The following GSN variants were observed in gnomAD, a reference collection of about 807,000 sequenced individuals.
The protein encoded by GSN is actin-depolymerizing factor.
A neutral mutation model predicts 85.7 loss-of-function variants in GSN; 56 were observed. The ratio of observed to expected loss-of-function variants is 0.65; its 90% CI spans 0.53 to 0.82. The LOEUF (loss-of-function observed/expected upper bound fraction) is 0.82. Among genes scored for constraint, GSN ranks in the 40% least tolerant of loss-of-function variants. The probability of loss-of-function intolerance (pLI) is 0.00; values close to 1 mark genes in which losing one functional copy is unlikely to be tolerated. For synonymous variants in GSN, 373 were observed against 399.1 expected (o/e 0.93, Z 0.78); for missense variants, 857 against 979.8 (o/e 0.87, Z 1.67).
In GSN at chr9:121,312,412, TC is replaced by T. The variant is rs1274665545; in HGVS notation, c.589del (p.Arg197GlyfsTer79). 1 of 1,613,980 alleles carries T rather than the reference TC, an allele frequency of 6.2e-7. No homozygotes were observed. The highest frequency in any genetic ancestry group is 8.5e-7 in the Non-Finnish European group (1 of 1,179,860). On this transcript the variant is annotated frameshift_variant, in exon 6 of 18. Transcript: ENST00000432226. LOFTEE classifies it high-confidence loss of function. ...AAGGCCACACAGGTGTCCAAGGGCA[TC>T]CGGGACAACGAGCGGAGTGGCCGGG... Reference protein sequence around the residue: ...RLKATQVSKGIRDNERSGRAR... With the variant: ...RLKATQVSKGXRDNERSGRAR...
At chr9:121,263,085 G>A (rs1197662321), upstream of GSN, among the ~76,000 whole-genome samples, 2 of 152,208 alleles carry the variant, frequency 1.3e-5, no homozygotes, top group African/African-American at 2.4e-5. Flanking sequence ...TGAGTCGAAT[G>A]GGGGAAGCCC....
At chr9:121,256,804 G>A (rs1029390287) in intron 6 of GSN, among the ~76,000 whole-genome samples, 2 of 152,074 alleles carry the variant, frequency 1.3e-5, no homozygotes, top group African/African-American at 2.4e-5. Context: ...CAGGAGAATC[G>A]CTTGAACCCA....
chr9:121,312,268 C>G, intron 5 of GSN, 71 bp from the exon 6 acceptor site: 1 of 1,560,440 alleles, frequency 6.4e-7, no homozygotes, highest in South Asian at 1.1e-5. Flanking sequence ...ACGCCACACT[C>G]CCCAAGCCCT....
chr9:121,297,722 C>T (rs1422195683), intron 2 of GSN: 1 of 152,212 alleles, frequency 6.6e-6, no homozygotes, highest in Non-Finnish European at 1.5e-5. Flanking sequence ...TTCACAGCTG[C>T]ATAGTGTCTA....
intron 11 of GSN, among the ~76,000 whole-genome samples, chr9:121,322,952 C>G (rs1462181087): frequency 6.6e-6 from 1 of 151,882 alleles, no homozygotes; most frequent in African/African-American, 2.4e-5. Context: ...GTGCCTCAGC[C>G]TCCTGAGTAG....
chr9:121,251,371 A>C (rs564794356), intron 6 of GSN, among the ~76,000 whole-genome samples: 136 of 150,026 alleles, frequency 9.1e-4, no homozygotes, highest in African/African-American at 3.1e-3. Context: ...AATTTTTTTT[A>C]TTTTTAGTTG....
chr9:121,201,928 A>T, the GSN span: 2 of 153,152 alleles, frequency 1.3e-5, no homozygotes, highest in African/African-American at 4.8e-5. Context: ...ACCACAAAAG[A>T]AGGGGGAGAA....
chr9:121,209,735 C>T (rs2053940514), intron 2 of GSN, among the ~76,000 whole-genome samples: 1 of 152,208 alleles, frequency 6.6e-6, no homozygotes, highest in African/African-American at 2.4e-5. Flanking sequence ...ACTCAGGAAA[C>T]AGAAGCTGCT....
At chr9:121,255,385 G>A (rs925970715) in intron 6 of GSN, among the ~76,000 whole-genome samples, 12 of 152,250 alleles carry the variant, frequency 7.9e-5, no homozygotes, top group South Asian at 2.1e-4. Flanking sequence ...GTAGGCGTGC[G>A]CCACGATGCC....
chr9:121,215,576 C>T (rs2054048424), intron 4 of GSN, among the ~76,000 whole-genome samples: 1 of 151,962 alleles, frequency 6.6e-6, no homozygotes, highest in African/African-American at 2.4e-5. Context: ...TGCCTATAAT[C>T]CCAGCTACTT....
rs2063348948 is a variant in GSN, at chr9:121,327,404, G to A, written c.1684G>A (p.Ala562Thr). 6.2e-7 allele frequency: 1 copy of A among 1,612,908 alleles called. No homozygotes were observed. Among genetic ancestry groups the A allele is most frequent in the Non-Finnish European group, 8.5e-7 (1 of 1,179,514 alleles). Residue 562 changes from alanine (A) to threonine (T), a missense_variant, in exon 14 of 18, where the codon GCA (alanine) becomes ACA (threonine). By Grantham distance (58) the Ala-to-Thr change is moderately conservative (BLOSUM62 0). Coordinates refer to ENST00000432226, the MANE Select transcript of GSN (RefSeq NM_198252.3). ...YLWVGTGASEAEKTGAQELLR... is the reference protein window; with the variant it reads ...YLWVGTGASETEKTGAQELLR... ...GTGGGTGGGTACAGGAGCCAGCGAG[G>A]CAGAGAAGACGGGGGCCCAGGAGCT...
chr9:121,293,256 CTGTGTGTCTTTT>C (rs2058864928), intron 2 of GSN, among the ~76,000 whole-genome samples: 2 of 152,152 alleles, frequency 1.3e-5, no homozygotes, highest in Admixed American at 1.3e-4. Flanking sequence ...TTGCTTTTTG[CTGTGTGTCTTTT>C]AGCATCCTTG....
Position 121,301,999 on chromosome 9 carries a change from A to C in GSN, c.28A>C (p.Lys10Gln). The part of the protein sequence containing the change: MVVEHPEFL[K>Q]AGKEPGLQIW... ...GGTGGTGGAACACCCCGAGTTCCTC[A>C]AGGCAGGGAAGGAGCCTGGCCTGCA... The change falls in exon 3 of 18, where the codon AAG becomes CAG. Residue 10 changes from lysine to glutamine, a missense_variant. Coordinates refer to ENST00000432226, the MANE Select transcript of GSN (RefSeq NM_198252.3). The C allele has an allele frequency of 6.2e-7, 1 of 1,614,192 alleles. No individual in the cohort carries two copies. Among genetic ancestry groups the C allele is most frequent in the Non-Finnish European group, 8.5e-7 (1 of 1,180,016 alleles).
At chr9:121,302,272 T>G in intron 3 of GSN, 105 bp downstream of exon 3, 7 of 1,277,738 alleles carry the variant, frequency 5.5e-6, no homozygotes, top group African/African-American at 2.9e-5. Flanking sequence ...GCACCTAGTA[T>G]GTGCTGGGCC....
chr9:121,222,352 A>G (rs1554774101), intron 4 of GSN: 2 of 152,236 alleles, frequency 1.3e-5, no homozygotes, highest in Non-Finnish European at 2.9e-5. Context: ...TTAAAGAAAT[A>G]TAAAATGAGT....
At chr9:121,221,579 T>G (rs190666278) in intron 4 of GSN, among the ~76,000 whole-genome samples, 402 of 152,276 alleles carry the variant, frequency 2.6e-3, no homozygotes, top group South Asian at 6.2e-3. Flanking sequence ...AAAAGAGCAT[T>G]AGGCCAGAAC....
chr9:121,236,347 G>A (rs1413062499), intron 5 of GSN, among the ~76,000 whole-genome samples: 1 of 151,990 alleles, frequency 6.6e-6, no homozygotes. Context: ...AGCCTCCCAA[G>A]TAGCTGGGAC....
intron 5 of GSN, among the ~76,000 whole-genome samples, chr9:121,237,423 A>G (rs1231987174): frequency 1.3e-5 from 2 of 152,114 alleles, no homozygotes; most frequent in African/African-American, 4.8e-5. Context: ...AATTAACTGC[A>G]TGTGAGTAGC....
At chr9:121,297,097 A>G (rs2133062125) in intron 2 of GSN, among the ~76,000 whole-genome samples, 1 of 152,344 alleles carries the variant, frequency 6.6e-6, no homozygotes, top group Non-Finnish European at 1.5e-5. Context: ...CTGGGCAGCT[A>G]AGAAAATTTC....
Sources: gnomAD v4.1 joint callset for allele counts (sites outside exome capture counted in the v4.1 genomes callset) on GRCh38, gnomAD v4.1.1 for gene constraint, MANE v1.5 for transcripts, NCBI Gene and HGNC (gene_info 2026-07-23, HGNC 2026-07-21) for gene names.